The following USP36 variants were observed in gnomAD, a reference collection of about 807,000 sequenced individuals.
The protein encoded by USP36 is ubiquitin carboxyl-terminal hydrolase 36.
A neutral mutation model predicts 111.5 loss-of-function variants in USP36; 59 were observed. That is an observed-to-expected ratio of 0.53 (90% CI 0.43 to 0.66). USP36 has a LOEUF of 0.66. USP36 is among the 30% of genes least tolerant of loss of function. The probability of loss-of-function intolerance (pLI) is 0.00; values close to 1 mark genes in which losing one functional copy is unlikely to be tolerated. For missense variants in USP36, 1,488 were observed against 1,468.0 expected (o/e 1.01, Z -0.22); for synonymous variants, 628 against 581.0 (o/e 1.08, Z -1.16).
intron 17 of USP36, among the ~76,000 whole-genome samples, chr17:78,800,909 C>T (rs2093724686): frequency 6.6e-6 from 1 of 152,094 alleles, no homozygotes; most frequent in African/African-American, 2.4e-5. Flanking sequence ...ACTAACAAGC[C>T]AACTCCACTT....
chr17:78,838,383 A>G (rs1038946752), intron 2 of USP36, among the ~76,000 whole-genome samples: 1 of 151,452 alleles, frequency 6.6e-6, no homozygotes, highest in Non-Finnish European at 1.5e-5. Context: ...AAAAAAAAAA[A>G]AAACAAAAAA....
intron 4 of USP36, among the ~76,000 whole-genome samples, chr17:78,833,180 T>C (rs1333994425): frequency 6.6e-6 from 1 of 152,194 alleles, no homozygotes; most frequent in Non-Finnish European, 1.5e-5. Flanking sequence ...TGCTGCTTCA[T>C]CTCAACAACT....
Position 78,807,407 on chromosome 17 carries a change from G to A in USP36, c.1637C>T (p.Ser546Phe), listed in dbSNP as rs960912291. The change falls in exon 14 of 21, where the codon TCC (serine) becomes TTC (phenylalanine). Residue 546 changes from serine (S) to phenylalanine (F), a missense_variant. Around this residue, in one of 3 missense-constraint regions of USP36, gnomAD observed 1,073 missense variants for 994.1 expected, o/e 1.08. Coordinates refer to ENST00000449938, the MANE Select transcript of USP36 (RefSeq NM_001385174.1). ...VKKPAPPQHF[S>F]PRTAQGLPGT... is the part of the protein sequence containing the mutation. ...AGGCAGCCCCTGAGCAGTTCTGGGG[G>A]AAAAGTGCTGTGGAGGAGCTGGCTT... 3 of 1,614,194 alleles carry A rather than the reference G, an allele frequency of 1.9e-6. No individual in the cohort carries two copies. The highest frequency in any genetic ancestry group is 1.7e-5 in the Admixed American group (1 of 60,014).
intron 13 of USP36, among the ~76,000 whole-genome samples, chr17:78,810,455 C>G (rs527586723): frequency 6.6e-6 from 1 of 152,062 alleles, no homozygotes; most frequent in Admixed American, 6.6e-5. Flanking sequence ...ACCTGGCTAG[C>G]TTTTGCATTT....
In USP36 at chr17:78,836,111, CCT is replaced by C; in HGVS notation, c.251_252del (p.Gln84ArgfsTer3). On this transcript the variant is annotated frameshift_variant and splice_region_variant, in exon 3 of 21. Transcript: ENST00000449938. LOFTEE classifies it high-confidence loss of function. Reference protein sequence around the residue: ...KSGDDPPARRQGSEHTYESCG... With the variant: ...KSGDDPPARRXGSEHTYESCG... ...CTGCCAGCACACTGCACATCTGTACCCTGTCTCCTGGCCGGTGGGTCATCTCC... is the reference window on the plus strand; with the variant it reads ...CTGCCAGCACACTGCACATCTGTACCGTCTCCTGGCCGGTGGGTCATCTCC... 6.2e-7 allele frequency: 1 copy of C among 1,613,106 alleles called. No homozygotes were observed. Among genetic ancestry groups the C allele is most frequent in the Non-Finnish European group, 8.5e-7 (1 of 1,180,024 alleles).
chr17:78,833,291 T>A (rs1384840098), intron 4 of USP36, among the ~76,000 whole-genome samples: 2 of 152,174 alleles, frequency 1.3e-5, no homozygotes, highest in African/African-American at 4.8e-5. Flanking sequence ...CTTTTTTTTA[T>A]GTTTTTTTGA....
chr17:78,824,490 G>A (rs959446504), intron 6 of USP36, among the ~76,000 whole-genome samples: 1 of 152,180 alleles, frequency 6.6e-6, no homozygotes, highest in Non-Finnish European at 1.5e-5. Flanking sequence ...CCTGCCGTGA[G>A]CGGAGATTGC....
intron 17 of USP36, 109 bp from the exon 18 acceptor site, chr17:78,799,877 CTTTTTTTT>C (rs549964435): frequency 0.016 from 2,499 of 155,504 alleles, 78 homozygotes; most frequent in African/African-American, 0.079. Flanking sequence ...GGATGCTTGC[CTTTTTTTT>C]TTTTTTTTTT....
downstream of USP36, among the ~76,000 whole-genome samples, chr17:78,793,925 C>CA (rs1351905279): frequency 1.3e-5 from 2 of 152,160 alleles, no homozygotes; most frequent in Non-Finnish European, 2.9e-5. Flanking sequence ...AAGATGCCAA[C>CA]ACGTCCACTA....
chr17:78,806,853 G>A (rs1316298435), intron 14 of USP36, 106 bp downstream of exon 14: 1 of 1,443,284 alleles, frequency 6.9e-7, no homozygotes, highest in Non-Finnish European at 9.4e-7. Context: ...CTAACATGAG[G>A]GAGGCCAAAG....
chr17:78,839,377 T>C (rs1335215565), intron 1 of USP36, among the ~76,000 whole-genome samples: 2 of 152,040 alleles, frequency 1.3e-5, no homozygotes, highest in East Asian at 3.9e-4. Context: ...ACTTCATCCA[T>C]AAATAAAAGC....
intron 4 of USP36, among the ~76,000 whole-genome samples, chr17:78,831,692 G>A (rs957637294): frequency 9.2e-5 from 14 of 151,848 alleles, no homozygotes; most frequent in Non-Finnish European, 1.9e-4. Context: ...CCTATAATCC[G>A]AACATTTTGG....
At chr17:78,802,681 A>C in intron 16 of USP36, 146 bp from the exon 17 acceptor site, 4 of 771,352 alleles carry the variant, frequency 5.2e-6, no homozygotes, top group Non-Finnish European at 6.1e-6. Flanking sequence ...TTCCCCCCAC[A>C]CGCATTAGCG....
chr17:78,803,895 T>C lies in USP36; in HGVS notation c.2300A>G (p.Lys767Arg), dbSNP rs750890843. ...PHPTLLSSTP[K>R]PPGTSEPRSC... Reference sequence around the variant, plus strand: ...CCGTGGTTCTGACGTCCCTGGGGGCTTGGGGGTACTGGACAGCAATGTGGG... The same window carrying C: ...CCGTGGTTCTGACGTCCCTGGGGGCCTGGGGGTACTGGACAGCAATGTGGG... Residue 767 changes from lysine (K) to arginine (R), a missense_variant, in exon 16 of 21, where the codon AAG becomes AGG. This residue lies in a region of USP36 where 1,073 missense variants were observed against 994.1 expected (regional missense o/e 1.08). Transcript: ENST00000449938. The surrounding 1 kb of genome is among the most constrained non-coding windows in gnomAD (Gnocchi z 4.6). 6.3e-6 allele frequency: 10 copies of C among 1,578,496 alleles called. No individual in the cohort carries two copies. In the South Asian group the frequency reaches 6.6e-5, roughly 10 times the overall value.
chr17:78,798,762 C>A lies in USP36; in HGVS notation c.3240+146G>T. On this transcript the variant is annotated intron_variant, in intron 19 of 20. Transcript: ENST00000449938. This position sits in a 1 kb window ranked among gnomAD's most constrained non-coding sequence, Gnocchi z 5.1. ...GCGAGGATGCATGCCCTGTCCATGG[C>A]CACACGCCCGGACAGGCCTGGGCAG... The A allele has an allele frequency of 8.2e-7, 1 of 1,212,574 alleles. No individual in the cohort carries two copies. Among genetic ancestry groups the A allele is most frequent in the Non-Finnish European group, 1.2e-6 (1 of 850,840 alleles). The allele number at this position is 1,212,574 out of a possible 1,614,324, so 75.1% of individuals were successfully genotyped here.
intron 3 of USP36, among the ~76,000 whole-genome samples, chr17:78,790,591 T>G (rs1489450958): frequency 2.0e-5 from 3 of 152,096 alleles, no homozygotes; most frequent in Non-Finnish European, 4.4e-5. Context: ...ATGCCTGGCC[T>G]TTTTTGGCTG....
In USP36 at chr17:78,821,065, C is replaced by T; in HGVS notation, c.758-4G>A. 1 of 1,598,046 alleles carries T rather than the reference C, an allele frequency of 6.3e-7. No individual in the cohort carries two copies. The highest frequency in any genetic ancestry group is 8.5e-7 in the Non-Finnish European group (1 of 1,171,854). The stretch of plus-strand genomic sequence containing the variant: ...CTCTTGCACACGGAGCACTTCACTG[C>T]AACAGAACAGAGGCAGTGGAGCAGG... On this transcript the variant is annotated splice_region_variant and splice_polypyrimidine_tract_variant and intron_variant, in intron 7 of 20. Transcript: ENST00000449938.
chr17:78,814,697 A>C, intron 10 of USP36, 145 bp from the exon 11 acceptor site: 1 of 1,003,046 alleles, frequency 1.0e-6, no homozygotes. Flanking sequence ...TCACGCCTGT[A>C]ATCCCAGCAC....
downstream of USP36, among the ~76,000 whole-genome samples, chr17:78,795,322 T>C (rs1403497991): frequency 1.3e-5 from 2 of 152,228 alleles, no homozygotes; most frequent in Non-Finnish European, 2.9e-5. The surrounding 1 kb of genome is among the most constrained non-coding windows in gnomAD (Gnocchi z 4.5). Flanking sequence ...GCCCTGTGTT[T>C]GGTGGATACC....
Sources: allele counts gnomAD v4.1 joint callset (sites outside exome capture counted in the v4.1 genomes callset), GRCh38; gene constraint gnomAD v4.1.1; regional missense constraint gnomAD v4.1.1; non-coding constraint Gnocchi (gnomAD v3.1); transcripts MANE v1.5; gene names NCBI Gene and HGNC (gene_info 2026-07-23, HGNC 2026-07-21).